LMF1: variants seen among roughly 807,000 people sequenced by gnomAD.
LMF1 encodes the protein lipase maturation factor 1.
Under a neutral mutation model 60.6 loss-of-function variants are expected in LMF1, and 68 were observed. The observed-to-expected ratio is 1.12, with a 90% CI of 0.92 to 1.37. The LOEUF (loss-of-function observed/expected upper bound fraction) is 1.37. Ranked by LOEUF, LMF1 falls within the 40% of genes most tolerant of loss-of-function variation. The probability of loss-of-function intolerance (pLI) is 0.00; values close to 1 mark genes in which losing one functional copy is unlikely to be tolerated. For missense variants in LMF1, 948 were observed against 767.2 expected (o/e 1.24, Z -2.78); for synonymous variants, 418 against 324.7 (o/e 1.29, Z -3.09).
At chr16:937,683 T>TAAA (rs1205114536) in intron 2 of LMF1, among the ~76,000 whole-genome samples, 1 of 152,246 alleles carries the variant, frequency 6.6e-6, no homozygotes, top group Non-Finnish European at 1.5e-5. Context: ...GCTTTTGATT[T>TAAA]AAAAACACAT....
intron 2 of LMF1, among the ~76,000 whole-genome samples, chr16:939,482 C>T (rs2072036374): frequency 6.6e-6 from 1 of 152,288 alleles, no homozygotes; most frequent in Admixed American, 6.5e-5. Context: ...ACACACGTAA[C>T]AGACCACCCT....
Position 878,287 on chromosome 16 carries a change from C to T in LMF1, c.897+1283G>A, listed in dbSNP as rs1373127622. Among the ~76,000 whole-genome samples the T allele has an allele frequency of 6.6e-6, 1 of 152,080 alleles. No individual in the cohort carries two copies. The highest frequency in any genetic ancestry group is 1.5e-5 in the Non-Finnish European group (1 of 68,026). On this transcript the variant is annotated intron_variant, in intron 6 of 10. Coordinates refer to ENST00000262301, the MANE Select transcript of LMF1 (RefSeq NM_022773.4). This position sits in a 1 kb window ranked among gnomAD's most constrained non-coding sequence, Gnocchi z 5.2. ...TTAGATTCACGGCGACATCGATGCC[C>T]ACAGGGAAATCACCTGATGGGCACC...
At chr16:887,477 C>T (rs901593569) in intron 5 of LMF1, among the ~76,000 whole-genome samples, 7 of 152,176 alleles carry the variant, frequency 4.6e-5, no homozygotes, top group African/African-American at 9.7e-5. Flanking sequence ...TGGGGGAGCT[C>T]GGCGGGCACG....
chr16:965,619 G>A lies in LMF1; in HGVS notation c.193+5169C>T, dbSNP rs111660532. On this transcript the variant is annotated intron_variant, in intron 1 of 10. Transcript: ENST00000262301. The stretch of plus-strand genomic sequence containing the variant: ...GGCTTTGATGGAGAATTAGAGATCC[G>A]GGCAAGTTGGTCCTTTCTGGAAAAG... Among the ~76,000 whole-genome samples the A allele has an allele frequency of 3.0e-3, 461 of 152,268 alleles. 2 individuals carry two copies. Among genetic ancestry groups the A allele is most frequent in the African/African-American group, 0.01 (421 of 41,542 alleles).
At chr16:932,405 G>A (rs747715155) in intron 3 of LMF1, among the ~76,000 whole-genome samples, 4 of 152,182 alleles carry the variant, frequency 2.6e-5, no homozygotes, top group Non-Finnish European at 4.4e-5. Context: ...CCCCCGCGGT[G>A]CTGACCCTCT....
rs1203744995 is a variant in LMF1, at chr16:874,111, G to A, written c.898-2770C>T. On this transcript the variant is annotated intron_variant, in intron 6 of 10. Transcript: ENST00000262301. This position sits in a 1 kb window ranked among gnomAD's most constrained non-coding sequence, Gnocchi z 4.1. Reference sequence around the variant, plus strand: ...AGTTCTGGAACCAGGCGGAGGCGGCGGTTGCATCACGCTGTGAACGTGCTG... The same window carrying A: ...AGTTCTGGAACCAGGCGGAGGCGGCAGTTGCATCACGCTGTGAACGTGCTG... 2.0e-5 allele frequency among the ~76,000 whole-genome samples: 3 copies of A among 152,184 alleles called. No individual in the cohort carries two copies. The highest frequency in any genetic ancestry group is 2.9e-5 in the Non-Finnish European group (2 of 68,022).
At chr16:971,413 C>G (rs2073049768), upstream of LMF1, among the ~76,000 whole-genome samples, 3 of 152,258 alleles carry the variant, frequency 2.0e-5, no homozygotes, top group South Asian at 6.2e-4. Flanking sequence ...GCCCCTGCCT[C>G]ACAGCTGACA....
chr16:974,359 CGAGGCGG>C (rs1490146868), upstream of LMF1, among the ~76,000 whole-genome samples: 2 of 152,136 alleles, frequency 1.3e-5, no homozygotes, highest in African/African-American at 4.8e-5. Flanking sequence ...CACACCAACC[CGAGGCGG>C]GAGGAGGAGG....
intron 10 of LMF1, among the ~76,000 whole-genome samples, chr16:866,953 G>T (rs780294694): frequency 6.6e-6 from 1 of 152,122 alleles, no homozygotes; most frequent in Non-Finnish European, 1.5e-5. Flanking sequence ...CTCACCTTCG[G>T]TCTTCCTGTT....
At position 962,511 on chromosome 16, in the gene LMF1, G is replaced by A. The variant is rs374922014; in HGVS notation, c.194-7845C>T. Among the ~76,000 whole-genome samples, 19 of 152,298 alleles carry A rather than the reference G, an allele frequency of 1.2e-4. No homozygotes were observed. The East Asian group carries it at 2.7e-3, about 22-fold the overall frequency. On this transcript the variant is annotated intron_variant, in intron 1 of 10. Coordinates refer to ENST00000262301, the MANE Select transcript of LMF1 (RefSeq NM_022773.4). The surrounding 1 kb of genome is among the most constrained non-coding windows in gnomAD (Gnocchi z 4.5). Reference sequence around the variant, plus strand: ...ACCTTGGCCGGGTGATCAGAAAGCCGTGCGGACGTCAGGACCCTGATACGG... The same window carrying A: ...ACCTTGGCCGGGTGATCAGAAAGCCATGCGGACGTCAGGACCCTGATACGG...
intron 10 of LMF1, chr16:856,199 C>G (rs1200809176): frequency 5.8e-6 from 2 of 346,320 alleles, no homozygotes; most frequent in South Asian, 2.2e-5. Flanking sequence ...GCCCTGGGCC[C>G]CAGGGGTCTT....
chr16:892,371 G>T (rs1451448177), intron 5 of LMF1, among the ~76,000 whole-genome samples: 1 of 152,190 alleles, frequency 6.6e-6, no homozygotes, highest in Non-Finnish European at 1.5e-5. Flanking sequence ...CTCCCACATG[G>T]ACTGAGAACA....
At chr16:947,853 G>A (rs759722716) in intron 2 of LMF1, among the ~76,000 whole-genome samples, 22 of 150,506 alleles carry the variant, frequency 1.5e-4, no homozygotes, top group South Asian at 8.4e-4. Context: ...CAACGACAGA[G>A]TTAGAGACAA....
At chr16:937,393 C>T (rs530004505) in intron 2 of LMF1, among the ~76,000 whole-genome samples, 10 of 152,304 alleles carry the variant, frequency 6.6e-5, no homozygotes, top group African/African-American at 1.7e-4. Context: ...TTTGGATGGT[C>T]GGGGTTAACA....
chr16:863,798 G>T, intron 10 of LMF1, among the ~76,000 whole-genome samples: 1 of 152,200 alleles, frequency 6.6e-6, no homozygotes, highest in East Asian at 1.9e-4. Context: ...GCATCCAGCT[G>T]ATGTCAGATT....
intron 3 of LMF1, among the ~76,000 whole-genome samples, chr16:926,724 G>A (rs187981250): frequency 5.7e-4 from 87 of 152,312 alleles, no homozygotes; most frequent in Admixed American, 3.8e-3. Context: ...AAGGGGTCCC[G>A]GCATCCACCC....
Position 911,036 on chromosome 16 carries a change from G to A in LMF1, c.558C>T (p.Phe186=), listed in dbSNP as rs763287910. The change falls in exon 4 of 11, where the codon TTC becomes TTT. Residue 186 remains phenylalanine, a synonymous_variant. Coordinates refer to ENST00000262301, the MANE Select transcript of LMF1 (RefSeq NM_022773.4). Reference sequence around the variant, plus strand: ...TTGACAGCGTCCACAGAGGGCACAGGAAGATCCCCAGGAACCCCGTCTCCA... The same window carrying A: ...TTGACAGCGTCCACAGAGGGCACAGAAAGATCCCCAGGAACCCCGTCTCCA... ...QLLETGFLGI[F]LCPLWTLSRL... 1.1e-5 allele frequency: 18 copies of A among 1,612,914 alleles called. No homozygotes were observed. In the South Asian group the frequency reaches 2.0e-4, roughly 18 times the overall value.
At chr16:879,219 A>T (rs1461471456) in intron 6 of LMF1, among the ~76,000 whole-genome samples, 3 of 152,172 alleles carry the variant, frequency 2.0e-5, no homozygotes, top group Non-Finnish European at 4.4e-5. Flanking sequence ...AGAATGGAAG[A>T]ATCTTAGGAG....
upstream of LMF1, chr16:981,339 AGAGAGAGAGTGT>A (rs1287649669): frequency 1.1e-3 from 340 of 306,484 alleles, 1 homozygote; most frequent in African/African-American, 1.9e-3. Context: ...AGAGAGAGAG[AGAGAGAGAGTGT>A]GTGTGTGTGT....
Sources: allele counts gnomAD v4.1 joint callset (sites outside exome capture counted in the v4.1 genomes callset), GRCh38; gene constraint gnomAD v4.1.1; non-coding constraint Gnocchi (gnomAD v3.1); transcripts MANE v1.5; gene names NCBI Gene and HGNC (gene_info 2026-07-23, HGNC 2026-07-21).